The following ENAH variants were observed in gnomAD, a reference collection of about 807,000 sequenced individuals.
ENAH encodes protein enabled homolog.
ENAH carries 23 observed loss-of-function variants against 78.7 expected under a neutral mutation model. The ratio of observed to expected loss-of-function variants is 0.29; its 90% confidence interval spans 0.21 to 0.41. ENAH has a LOEUF of 0.41. Ranked by LOEUF, ENAH falls within the 10% of genes least tolerant of loss-of-function variation. The pLI is 1.00. For missense variants in ENAH, 544 were observed against 691.0 expected (o/e 0.79, Z 2.39); for synonymous variants, 226 against 241.0 (o/e 0.94, Z 0.58).
At chr1:225,510,617 C>T (rs544760683) in intron 10 of ENAH, among the ~76,000 whole-genome samples, 1 of 148,854 alleles carries the variant, frequency 6.7e-6, no homozygotes. Flanking sequence ...TGAAGAGTCA[C>T]CATTTAATAA....
chr1:225,605,769 T>C (rs1475859363), intron 1 of ENAH, among the ~76,000 whole-genome samples: 1 of 152,132 alleles, frequency 6.6e-6, no homozygotes, highest in East Asian at 1.9e-4. Flanking sequence ...CCAATATGAA[T>C]GGTGCCCTTA....
chr1:225,640,513 C>A (rs1033248235), intron 1 of ENAH, among the ~76,000 whole-genome samples: 6 of 152,106 alleles, frequency 3.9e-5, no homozygotes, highest in Non-Finnish European at 7.4e-5. Flanking sequence ...TTGGAAAATT[C>A]AAATATAAGC....
At chr1:225,609,571 T>C (rs1035843247) in intron 1 of ENAH, among the ~76,000 whole-genome samples, 4 of 151,610 alleles carry the variant, frequency 2.6e-5, no homozygotes, top group Non-Finnish European at 5.9e-5. Context: ...ACACGTTATC[T>C]GGAAATTAAA....
At position 225,525,598 on chromosome 1, in the gene ENAH, A is replaced by ACCTT. The variant is rs555348846; in HGVS notation, c.434+4952_434+4955dup. On this transcript the variant is annotated intron_variant, in intron 4 of 13. Coordinates refer to ENST00000366843, the MANE Select transcript of ENAH (RefSeq NM_018212.6). ...GGGCTATTCCCTAGGTTTTGCTTTG[A>ACCTT]CCTTAGTCGTGCGGGAATTACCTAT... 2.2e-3 allele frequency among the ~76,000 whole-genome samples: 336 copies of ACCTT among 152,172 alleles called. 4 individuals are homozygous for ACCTT. The highest frequency in any genetic ancestry group is 0.018 in the Admixed American group (277 of 15,276).
intron 12 of ENAH, among the ~76,000 whole-genome samples, chr1:225,498,968 A>G (rs1325741308): frequency 1.3e-5 from 2 of 152,214 alleles, no homozygotes; most frequent in African/African-American, 4.8e-5. Context: ...CATGCTGTCC[A>G]ATACGGCAGG....
chr1:225,618,131 C>A (rs1042908075), intron 1 of ENAH, among the ~76,000 whole-genome samples: 6 of 152,192 alleles, frequency 3.9e-5, no homozygotes, highest in Admixed American at 3.9e-4. Context: ...TACATACCAA[C>A]TTGCACCTAA....
At chr1:225,649,509 T>G (rs938111978) in intron 1 of ENAH, among the ~76,000 whole-genome samples, 5 of 152,102 alleles carry the variant, frequency 3.3e-5, no homozygotes, top group African/African-American at 9.7e-5. Context: ...ACACGCACAC[T>G]TTAATCACAA....
chr1:225,614,597 T>C (rs75156478), intron 1 of ENAH, among the ~76,000 whole-genome samples: 2,084 of 152,266 alleles, frequency 0.014, 53 homozygotes, highest in African/African-American at 0.047. Flanking sequence ...CCACTGGTTA[T>C]CAACTCATCC....
rs56105983 is a variant in ENAH, at chr1:225,545,910, C to CT, written c.349+8995dup. ...CTCTAATGATTAGGACATCTGTAAA[C>CT]TTTTTTTTTTTTTTTTTTTTTTTTT... is the stretch of plus-strand genomic sequence containing the variant. On this transcript the variant is annotated intron_variant, in intron 3 of 13. Coordinates refer to ENST00000366843, the MANE Select transcript of ENAH (RefSeq NM_018212.6). Among the ~76,000 whole-genome samples, 397 of 109,398 alleles carry CT rather than the reference C, an allele frequency of 3.6e-3. 6 individuals are homozygous for CT. The highest frequency in any genetic ancestry group is 0.015 in the Admixed American group (142 of 9,724). The allele number at this position is 109,398 out of a possible 152,430, so 71.8% of individuals were successfully genotyped here. A position where few individuals can be genotyped will look rare whatever the true frequency, so the allele number is the denominator to read the frequency against.
intron 3 of ENAH, among the ~76,000 whole-genome samples, chr1:225,542,461 A>G (rs1309863551): frequency 6.6e-6 from 1 of 152,182 alleles, no homozygotes; most frequent in South Asian, 2.1e-4. Context: ...CTAGTTAAAC[A>G]AAGACAGCTG....
intron 1 of ENAH, among the ~76,000 whole-genome samples, chr1:225,625,349 T>G (rs897948167): frequency 1.3e-5 from 2 of 152,212 alleles, no homozygotes; most frequent in African/African-American, 4.8e-5. Context: ...TCAGAGACTT[T>G]GCAAGAAATG....
chr1:225,612,849 G>GGC (rs1444874418), intron 1 of ENAH, among the ~76,000 whole-genome samples: 2 of 138,386 alleles, frequency 1.4e-5, no homozygotes, highest in Non-Finnish European at 3.3e-5. Flanking sequence ...GCAAAAAAAA[G>GGC]GGGGGGAGGA....
intron 1 of ENAH, among the ~76,000 whole-genome samples, chr1:225,626,248 T>C (rs1034562626): frequency 6.6e-6 from 1 of 152,216 alleles, no homozygotes; most frequent in African/African-American, 2.4e-5. Context: ...GAGAACTAAC[T>C]TGAGTTTCTA....
chr1:225,582,542 AAGATAAAAGGAT>A (rs1472750047), intron 1 of ENAH, among the ~76,000 whole-genome samples: 4 of 152,214 alleles, frequency 2.6e-5, no homozygotes, highest in African/African-American at 9.6e-5. Flanking sequence ...TTCTAGCTTA[AAGATAAAAGGAT>A]AGAGTTCAGG....
chr1:225,569,215 T>G (rs1178784826), intron 1 of ENAH, among the ~76,000 whole-genome samples: 1 of 152,228 alleles, frequency 6.6e-6, no homozygotes, highest in African/African-American at 2.4e-5. Flanking sequence ...TGTAAATAAT[T>G]CAATAAACAA....
intron 3 of ENAH, among the ~76,000 whole-genome samples, chr1:225,538,559 C>G (rs1055053377): frequency 5.9e-5 from 9 of 151,526 alleles, no homozygotes; most frequent in South Asian, 2.1e-4. Context: ...TCTTCCCCCC[C>G]GCCTTTTTTT....
intron 4 of ENAH, among the ~76,000 whole-genome samples, chr1:225,528,328 G>A (rs1229796634): frequency 1.3e-5 from 2 of 152,198 alleles, no homozygotes; most frequent in Non-Finnish European, 2.9e-5. Flanking sequence ...AAGGATATGA[G>A]AAGGACATGT....
rs908520561 is a variant in ENAH at position 225,559,538 on chromosome 1, C to T, written c.172-4455G>A. Among the ~76,000 whole-genome samples the T allele has an allele frequency of 1.3e-4, 20 of 152,194 alleles. No individual in the cohort carries two copies. The East Asian group carries it at 3.1e-3, about 24-fold the overall frequency. ...GTGACTCATAAATTTGTAACCAGAA[C>T]AAGAGGAACTGTGAAATATCTGGTT... On this transcript the variant is annotated intron_variant, in intron 2 of 13. Coordinates refer to ENST00000366843, the MANE Select transcript of ENAH (RefSeq NM_018212.6).
intron 7 of ENAH, among the ~76,000 whole-genome samples, chr1:225,514,364 C>T (rs967513058): frequency 6.6e-6 from 1 of 151,886 alleles, no homozygotes; most frequent in Non-Finnish European, 1.5e-5. Context: ...AGGGTTTTAA[C>T]ATGTTGGCCA....
Sources: gnomAD v4.1 joint callset for allele counts (sites outside exome capture counted in the v4.1 genomes callset) on GRCh38, gnomAD v4.1.1 for gene constraint, MANE v1.5 for transcripts, NCBI Gene and HGNC (gene_info 2026-07-23, HGNC 2026-07-21) for gene names.